The following SYN3 variants were observed in gnomAD, a reference collection of about 807,000 sequenced individuals.
The protein encoded by SYN3 is synapsin III.
In SYN3, 35 loss-of-function variants were observed where a neutral mutation model predicts 65.8. The ratio of observed to expected loss-of-function variants is 0.53; its 90% CI spans 0.41 to 0.70. SYN3 has a LOEUF of 0.70. Among genes scored for constraint, SYN3 ranks in the 30% least tolerant of loss-of-function variants. The pLI is 0.00. For synonymous variants in SYN3, 270 were observed against 292.9 expected (o/e 0.92, Z 0.80); for missense variants, 680 against 749.0 (o/e 0.91, Z 1.08).
chr22:32,977,520 T>C (rs5994649), intron 3 of SYN3, among the ~76,000 whole-genome samples: 47,043 of 151,506 alleles, frequency 0.31, 7,956 homozygotes, highest in African/African-American at 0.45. Context: ...CCGAGGCGGG[T>C]GGATCACGAG....
At chr22:32,564,323 C>A (rs1240527441) in intron 7 of SYN3, among the ~76,000 whole-genome samples, 1 of 152,174 alleles carries the variant, frequency 6.6e-6, no homozygotes, top group African/African-American at 2.4e-5. Context: ...TCTTCCAGGT[C>A]ACATAGCTGG....
intron 6 of SYN3, among the ~76,000 whole-genome samples, chr22:32,704,850 T>C (rs1169709129): frequency 2.0e-5 from 3 of 152,238 alleles, no homozygotes; most frequent in East Asian, 1.9e-4. Context: ...TGGCTGTATG[T>C]ATGTCTTCTT....
chr22:32,850,119 T>C (rs540055251), intron 6 of SYN3, among the ~76,000 whole-genome samples: 1 of 150,526 alleles, frequency 6.6e-6, no homozygotes, highest in South Asian at 2.2e-4. Flanking sequence ...GTTAGCAATG[T>C]TTGCTAAGCA....
Position 32,950,416 on chromosome 22 carries a change from G to A in SYN3, c.370-18935C>T, listed in dbSNP as rs542210865. Among the ~76,000 whole-genome samples the A allele has an allele frequency of 2.2e-4, 34 of 152,262 alleles. 1 individual carries two copies. The highest frequency in any genetic ancestry group is 1.5e-3 in the South Asian group (7 of 4,816). On this transcript the variant is annotated intron_variant, in intron 3 of 13. Transcript: ENST00000358763. Reference sequence around the variant, plus strand: ...CCACATTCTGCCTCTCTGTAGCTACGTGTCTGTTGATCTGGGTGGTCATTG... The same window carrying A: ...CCACATTCTGCCTCTCTGTAGCTACATGTCTGTTGATCTGGGTGGTCATTG...
At chr22:32,768,958 T>C (rs1337073357) in intron 6 of SYN3, among the ~76,000 whole-genome samples, 1 of 152,164 alleles carries the variant, frequency 6.6e-6, no homozygotes, top group Non-Finnish European at 1.5e-5. Flanking sequence ...CTGCTTTCCC[T>C]CTTGCTCCTT....
rs1434095324 is a variant in SYN3, at chr22:32,511,048, C to G, written c.*2644G>C. ...ACTCCTAGAATCACTGGCTAATCATCAAACCTTATGTTAATCAATATTTAT... is the reference window on the plus strand; with the variant it reads ...ACTCCTAGAATCACTGGCTAATCATGAAACCTTATGTTAATCAATATTTAT... On this transcript the variant is annotated 3_prime_UTR_variant, in exon 14 of 14. Coordinates refer to ENST00000358763, the MANE Select transcript of SYN3 (RefSeq NM_003490.4). Among the ~76,000 whole-genome samples the G allele has an allele frequency of 6.6e-6, 1 of 151,332 alleles. No homozygotes were observed. The highest frequency in any genetic ancestry group is 1.5e-5 in the Non-Finnish European group (1 of 67,922).
At chr22:32,788,067 G>C (rs956758378) in intron 6 of SYN3, among the ~76,000 whole-genome samples, 2 of 152,314 alleles carry the variant, frequency 1.3e-5, no homozygotes, top group South Asian at 4.2e-4. Flanking sequence ...AAGTGCATTA[G>C]GGATCCACCA....
chr22:32,699,073 G>T (rs965398664), intron 6 of SYN3, among the ~76,000 whole-genome samples: 2 of 152,318 alleles, frequency 1.3e-5, no homozygotes. Context: ...GGCGCTAGAC[G>T]CTCTGAAACT....
chr22:32,925,269 A>T (rs1601707160), intron 4 of SYN3, among the ~76,000 whole-genome samples: 1 of 152,116 alleles, frequency 6.6e-6, no homozygotes, highest in African/African-American at 2.4e-5. Flanking sequence ...TCTTCTTATA[A>T]GGACACCAGT....
chr22:32,571,930 G>A (rs1029849222), intron 7 of SYN3, among the ~76,000 whole-genome samples: 1 of 151,958 alleles, frequency 6.6e-6, no homozygotes, highest in Non-Finnish European at 1.5e-5. Context: ...TGTGTGCTCG[G>A]TGTTGGCGCT....
chr22:32,526,025 T>A (rs961531186), intron 12 of SYN3, among the ~76,000 whole-genome samples: 2 of 152,184 alleles, frequency 1.3e-5, no homozygotes, highest in African/African-American at 4.8e-5. Flanking sequence ...AGACCCTCCA[T>A]CAGCAGAAAG....
chr22:32,779,783 G>A lies in SYN3; in HGVS notation c.711+85132C>T, dbSNP rs764804984. Reference sequence around the variant, plus strand: ...CTTACGTACTTTGCAGGTTACTACCGTGATGTCCTTGCTAGCGACTCCTCC... The same window carrying A: ...CTTACGTACTTTGCAGGTTACTACCATGATGTCCTTGCTAGCGACTCCTCC... On this transcript the variant is annotated intron_variant, in intron 6 of 13. Transcript: ENST00000358763. 3.9e-5 allele frequency among the ~76,000 whole-genome samples: 6 copies of A among 152,194 alleles called. No individual in the cohort carries two copies. The East Asian group carries it at 5.8e-4, about 15-fold the overall frequency.
At chr22:32,711,156 G>C (rs886643542) in intron 6 of SYN3, among the ~76,000 whole-genome samples, 1 of 152,184 alleles carries the variant, frequency 6.6e-6, no homozygotes, top group Non-Finnish European at 1.5e-5. Flanking sequence ...GGGCAAACTG[G>C]AATGGGTTGG....
intron 1 of SYN3, among the ~76,000 whole-genome samples, chr22:33,042,075 T>G (rs1055237191): frequency 2.0e-5 from 3 of 152,168 alleles, no homozygotes; most frequent in African/African-American, 7.2e-5. Flanking sequence ...AGAGCCCTCA[T>G]GATGGGGTTA....
intron 6 of SYN3, among the ~76,000 whole-genome samples, chr22:32,759,533 A>C (rs1395628439): frequency 6.6e-6 from 1 of 152,010 alleles, no homozygotes; most frequent in Admixed American, 6.6e-5. Flanking sequence ...ATTTCTTCCA[A>C]CCTTGAGATC....
chr22:32,610,110 G>A (rs980589276), intron 6 of SYN3, among the ~76,000 whole-genome samples: 14 of 152,158 alleles, frequency 9.2e-5, no homozygotes, highest in Admixed American at 3.9e-4. Flanking sequence ...GTGAAACCCC[G>A]TCTCTACTAA....
At chr22:32,657,356 A>C (rs3788475) in intron 6 of SYN3, among the ~76,000 whole-genome samples, 57,223 of 151,386 alleles carry the variant, frequency 0.38, 11,154 homozygotes, top group South Asian at 0.59. Flanking sequence ...ATCTACTGAC[A>C]TTGTGATCCA....
At chr22:32,648,385 T>C (rs1248298957) in intron 6 of SYN3, among the ~76,000 whole-genome samples, 2 of 152,254 alleles carry the variant, frequency 1.3e-5, no homozygotes, top group African/African-American at 2.4e-5. Context: ...CATCAGTTTC[T>C]TTGAAAATAG....
At chr22:32,780,919 T>TC (rs1203092957) in intron 6 of SYN3, among the ~76,000 whole-genome samples, 7 of 123,754 alleles carry the variant, frequency 5.7e-5, no homozygotes, top group Non-Finnish European at 6.6e-5. Flanking sequence ...CTTGCTTCCT[T>TC]CCTTCCTTCC....
Sources: allele counts gnomAD v4.1 joint callset (sites outside exome capture counted in the v4.1 genomes callset), GRCh38; gene constraint gnomAD v4.1.1; transcripts MANE v1.5; gene names NCBI Gene and HGNC (gene_info 2026-07-23, HGNC 2026-07-21).